PARD3B: variants seen among roughly 807,000 people sequenced by gnomAD.
The protein encoded by PARD3B is partitioning defective 3 homolog B.
A neutral mutation model predicts 130.2 loss-of-function variants in PARD3B; 103 were observed. The observed-to-expected ratio is 0.79, with a 90% CI of 0.67 to 0.93. PARD3B has a LOEUF of 0.93. Ranked by LOEUF, PARD3B falls within the 40% of genes least tolerant of loss-of-function variation. The pLI is 0.00. For missense variants in PARD3B, 1,609 were observed against 1,499.2 expected, an observed-to-expected ratio of 1.07 and a Z score of -1.21; for synonymous variants, 583 against 553.2, an observed-to-expected ratio of 1.05 and a Z score of -0.76.
intron 16 of PARD3B, among the ~76,000 whole-genome samples, chr2:205,264,670 AT>A (rs2040437870): frequency 6.6e-6 from 1 of 151,060 alleles, no homozygotes; most frequent in Non-Finnish European, 1.5e-5. Context: ...TTTAAATCAT[AT>A]TAGTTGTCTG....
chr2:204,896,582 C>G (rs1445904144), intron 2 of PARD3B, among the ~76,000 whole-genome samples: 1 of 152,126 alleles, frequency 6.6e-6, no homozygotes, highest in African/African-American at 2.4e-5. Context: ...ATATGAGTCC[C>G]TTTATTCAGT....
chr2:204,763,568 G>T (rs1314907472), intron 2 of PARD3B, among the ~76,000 whole-genome samples: 1 of 152,172 alleles, frequency 6.6e-6, no homozygotes, highest in African/African-American at 2.4e-5. Context: ...ATTTATAAAA[G>T]ATTATAGCAC....
Position 205,124,352 on chromosome 2 carries a change from G to A in PARD3B, c.1191G>A (p.Val397=). 1.3e-6 allele frequency: 2 copies of A among 1,586,580 alleles called. No individual in the cohort carries two copies. The highest frequency in any genetic ancestry group is 1.7e-6 in the Non-Finnish European group (2 of 1,165,276). Reference sequence around the variant, plus strand: ...GCCCTGAAGGACTTGGTTTCACTGTGGTTACCAGAGACTCTTCCATACATG... The same window carrying A: ...GCCCTGAAGGACTTGGTTTCACTGTAGTTACCAGAGACTCTTCCATACATG... ...KKGPEGLGFT[V]VTRDSSIHGP... Residue 397 remains valine (V), a synonymous_variant, in exon 9 of 23, where the codon GTG becomes GTA. Transcript: ENST00000406610.
At chr2:205,035,820 T>TGGG (rs1491091922) in intron 3 of PARD3B, among the ~76,000 whole-genome samples, 1 of 2,298 alleles carries the variant, frequency 4.4e-4, no homozygotes, top group African/African-American at 8.4e-4. Context: ...TATATATATA[T>TGGG]CTATATATCT....
intron 4 of PARD3B, among the ~76,000 whole-genome samples, chr2:205,102,008 C>T (rs187823487): frequency 6.6e-6 from 1 of 152,068 alleles, no homozygotes; most frequent in Non-Finnish European, 1.5e-5. Context: ...AAAATGGTGA[C>T]TCTTATGTAA....
chr2:204,872,936 A>G (rs1030838202), intron 2 of PARD3B, among the ~76,000 whole-genome samples: 1 of 152,178 alleles, frequency 6.6e-6, no homozygotes, highest in Non-Finnish European at 1.5e-5. Context: ...AGTAAACAGT[A>G]TTTTAAACAA....
chr2:205,401,170 G>C, intron 19 of PARD3B, 47 bp downstream of exon 19: 1 of 1,440,256 alleles, frequency 6.9e-7, no homozygotes, highest in Non-Finnish European at 9.6e-7. Flanking sequence ...TCTATGGTCT[G>C]GGTTTAATTT....
At chr2:205,578,482 A>G (rs1403236636) in intron 22 of PARD3B, among the ~76,000 whole-genome samples, 1 of 152,252 alleles carries the variant, frequency 6.6e-6, no homozygotes, top group Admixed American at 6.5e-5. Flanking sequence ...ACAGAAAGCT[A>G]TAGTTAAATT....
At chr2:204,955,997 C>A (rs532707706) in intron 2 of PARD3B, among the ~76,000 whole-genome samples, 2 of 152,220 alleles carry the variant, frequency 1.3e-5, no homozygotes, top group African/African-American at 4.8e-5. Flanking sequence ...CAAGACCACA[C>A]CCAGATCTGT....
rs73054993 is a variant in PARD3B at position 205,046,364 on chromosome 2, A to G, written c.395-1217A>G. 6.6e-3 allele frequency among the ~76,000 whole-genome samples: 1,009 copies of G among 152,096 alleles called. 16 individuals carry two copies. The highest frequency in any genetic ancestry group is 0.023 in the African/African-American group (971 of 41,514). ...GATGGAGGTGGAGGGATGGTGAAAA[A>G]TGTAGTGATGTCTCTTAATAAAAAG... On this transcript the variant is annotated intron_variant, in intron 3 of 22. Coordinates refer to ENST00000406610, the MANE Select transcript of PARD3B (RefSeq NM_001302769.2).
intron 6 of PARD3B, among the ~76,000 whole-genome samples, chr2:205,118,133 G>A (rs904743437): frequency 2.0e-5 from 3 of 152,098 alleles, no homozygotes; most frequent in African/African-American, 4.8e-5. Context: ...TGCCCTACTC[G>A]GAAGCGGGGT....
intron 19 of PARD3B, among the ~76,000 whole-genome samples, chr2:205,422,293 G>A (rs572672146): frequency 6.6e-6 from 1 of 152,316 alleles, no homozygotes; most frequent in East Asian, 1.9e-4. Flanking sequence ...CAGAGTCACA[G>A]AGGAGGCGGT....
At chr2:204,910,029 G>C (rs567797036) in intron 2 of PARD3B, among the ~76,000 whole-genome samples, 2 of 152,142 alleles carry the variant, frequency 1.3e-5, no homozygotes, top group Non-Finnish European at 2.9e-5. Flanking sequence ...ATGATTAGAT[G>C]ATGAGTAAAG....
intron 2 of PARD3B, among the ~76,000 whole-genome samples, chr2:204,804,641 A>G (rs1330653657): frequency 6.6e-6 from 1 of 152,226 alleles, no homozygotes; most frequent in African/African-American, 2.4e-5. Flanking sequence ...AATGTACTTA[A>G]TAGATATTTA....
At chr2:205,290,565 G>A (rs1283679996) in intron 16 of PARD3B, among the ~76,000 whole-genome samples, 1 of 152,188 alleles carries the variant, frequency 6.6e-6, no homozygotes, top group African/African-American at 2.4e-5. Context: ...AATGTGAAGG[G>A]AAATCACAAA....
intron 18 of PARD3B, among the ~76,000 whole-genome samples, chr2:205,364,309 C>T (rs2044514873): frequency 6.6e-6 from 1 of 152,160 alleles, no homozygotes; most frequent in Non-Finnish European, 1.5e-5. Context: ...TCGGATTCTC[C>T]TCCTCTTTTT....
intron 10 of PARD3B, among the ~76,000 whole-genome samples, chr2:205,136,394 A>T (rs1310210128): frequency 2.6e-5 from 4 of 152,226 alleles, no homozygotes; most frequent in African/African-American, 9.6e-5. Context: ...ATTAAATTAC[A>T]TTAAATGCCA....
intron 2 of PARD3B, among the ~76,000 whole-genome samples, chr2:204,903,269 A>T (rs2046931849): frequency 6.6e-6 from 1 of 152,250 alleles, no homozygotes; most frequent in Admixed American, 6.5e-5. Context: ...GCTTGAATAA[A>T]ATAGAACTTT....
chr2:205,401,879 A>G (rs1331351431), intron 19 of PARD3B, among the ~76,000 whole-genome samples: 1 of 152,258 alleles, frequency 6.6e-6, no homozygotes, highest in Non-Finnish European at 1.5e-5. Context: ...CAAAACCAGC[A>G]TATAATTCTA....
Sources: allele counts gnomAD v4.1 joint callset (sites outside exome capture counted in the v4.1 genomes callset), GRCh38; gene constraint gnomAD v4.1.1; transcripts MANE v1.5; gene names NCBI Gene and HGNC (gene_info 2026-07-23, HGNC 2026-07-21).